SPAG16: variants seen among roughly 807,000 people sequenced by gnomAD.
SPAG16 encodes the protein sperm associated antigen 16.
SPAG16 carries 86 observed loss-of-function variants against 80.4 expected under a neutral mutation model. The ratio of observed to expected loss-of-function variants is 1.07; its 90% confidence interval spans 0.90 to 1.28. The LOEUF (loss-of-function observed/expected upper bound fraction) is 1.28. Ranked by LOEUF, SPAG16 falls within the 50% of genes most tolerant of loss-of-function variation. SPAG16 has a pLI of 0.00. For synonymous variants in SPAG16, 294 were observed against 265.9 expected, an observed-to-expected ratio of 1.11 and a Z score of -1.03; for missense variants, 870 against 765.3, an observed-to-expected ratio of 1.14 and a Z score of -1.61.
At chr2:214,137,741 T>G (rs2055137645) in intron 14 of SPAG16, among the ~76,000 whole-genome samples, 1 of 152,116 alleles carries the variant, frequency 6.6e-6, no homozygotes, top group Non-Finnish European at 1.5e-5. Context: ...AAGCATTATT[T>G]TCCTCATTTG....
chr2:213,772,385 T>C (rs1449358824), intron 10 of SPAG16, among the ~76,000 whole-genome samples: 1 of 152,158 alleles, frequency 6.6e-6, no homozygotes, highest in Non-Finnish European at 1.5e-5. Flanking sequence ...GAAGCAGATA[T>C]TTTTTACTTT....
chr2:214,200,784 T>G (rs186366027), intron 15 of SPAG16, among the ~76,000 whole-genome samples: 3 of 152,238 alleles, frequency 2.0e-5, no homozygotes, highest in Non-Finnish European at 4.4e-5. Flanking sequence ...TTTTAATGTT[T>G]GTGAAACAAA....
intron 15 of SPAG16, among the ~76,000 whole-genome samples, chr2:214,297,985 C>T (rs1694255968): frequency 6.6e-6 from 1 of 150,548 alleles, no homozygotes; most frequent in South Asian, 2.1e-4. Flanking sequence ...GAATGTTTTT[C>T]TATTTGTTTG....
intron 10 of SPAG16, among the ~76,000 whole-genome samples, chr2:213,622,663 C>T (rs969102622): frequency 6.6e-6 from 1 of 152,148 alleles, no homozygotes; most frequent in Non-Finnish European, 1.5e-5. Flanking sequence ...TCTCAGAGAA[C>T]ATCATTGGTC....
chr2:213,531,652 G>C (rs2076072083), intron 10 of SPAG16, among the ~76,000 whole-genome samples: 1 of 152,034 alleles, frequency 6.6e-6, no homozygotes, highest in South Asian at 2.1e-4. Flanking sequence ...TTCTTATGCA[G>C]ATCATTTCCA....
At chr2:213,450,835 T>A (rs1433457079) in intron 9 of SPAG16, among the ~76,000 whole-genome samples, 1 of 152,212 alleles carries the variant, frequency 6.6e-6, no homozygotes, top group Non-Finnish European at 1.5e-5. Flanking sequence ...ACATATAATT[T>A]TTTTCTATAT....
intron 11 of SPAG16, among the ~76,000 whole-genome samples, chr2:213,925,079 A>G (rs771716805): frequency 6.6e-6 from 1 of 152,118 alleles, no homozygotes; most frequent in Non-Finnish European, 1.5e-5. Flanking sequence ...TAAATTGATC[A>G]AGGTTTTACT....
intron 15 of SPAG16, among the ~76,000 whole-genome samples, chr2:214,387,677 G>C (rs1353297689): frequency 2.6e-5 from 4 of 152,208 alleles, no homozygotes; most frequent in Admixed American, 1.3e-4. Flanking sequence ...GGCTGGGGAG[G>C]CCTCAGGAAA....
At chr2:213,857,201 G>A (rs2075212075) in intron 10 of SPAG16, among the ~76,000 whole-genome samples, 1 of 152,200 alleles carries the variant, frequency 6.6e-6, no homozygotes, top group African/African-American at 2.4e-5. Flanking sequence ...CTGAACTCCA[G>A]CCTGGGTGAC....
At chr2:213,461,892 G>A (rs1302542248) in intron 9 of SPAG16, among the ~76,000 whole-genome samples, 1 of 152,098 alleles carries the variant, frequency 6.6e-6, no homozygotes, top group African/African-American at 2.4e-5. Context: ...ATGGATGTAT[G>A]TGTATGTGTA....
At chr2:213,643,378 A>T (rs1472096232) in intron 10 of SPAG16, among the ~76,000 whole-genome samples, 3 of 66,762 alleles carry the variant, frequency 4.5e-5, no homozygotes, top group Non-Finnish European at 8.9e-5. Flanking sequence ...ATATATATAT[A>T]TATATATATA....
At chr2:213,980,696 ATG>A (rs144847368) in intron 12 of SPAG16, among the ~76,000 whole-genome samples, 1,335 of 101,674 alleles carry the variant, frequency 0.013, 66 homozygotes, top group Non-Finnish European at 0.016. Flanking sequence ...TATAGAATAT[ATG>A]TGTGTGTGTG....
chr2:214,277,144 A>G (rs1373219711), intron 15 of SPAG16, among the ~76,000 whole-genome samples: 1 of 152,126 alleles, frequency 6.6e-6, no homozygotes, highest in Non-Finnish European at 1.5e-5. Flanking sequence ...CCATCAGGTC[A>G]TTTAATGTCT....
chr2:214,291,712 C>T (rs959206206), intron 15 of SPAG16, among the ~76,000 whole-genome samples: 11 of 152,140 alleles, frequency 7.2e-5, no homozygotes, highest in African/African-American at 1.9e-4. Context: ...CTTCCTACCA[C>T]ATTGTTGTTT....
At chr2:213,339,495 A>G (rs1003335893) in intron 5 of SPAG16, among the ~76,000 whole-genome samples, 2 of 152,220 alleles carry the variant, frequency 1.3e-5, no homozygotes, top group African/African-American at 4.8e-5. Context: ...ATGTTCACAT[A>G]GAACCTGGGA....
intron 10 of SPAG16, among the ~76,000 whole-genome samples, chr2:213,768,235 A>G (rs537789279): frequency 6.6e-6 from 1 of 152,214 alleles, no homozygotes; most frequent in East Asian, 1.9e-4. Flanking sequence ...CAGGAGCTAG[A>G]AAAAAGAGAT....
chr2:214,272,559 G>C (rs1411625790), intron 15 of SPAG16, among the ~76,000 whole-genome samples: 2 of 152,104 alleles, frequency 1.3e-5, no homozygotes, highest in Admixed American at 6.5e-5. Context: ...TTCTGTGCTT[G>C]TGTTAGTTTG....
chr2:213,928,438 A>G (rs1350412398), intron 11 of SPAG16, among the ~76,000 whole-genome samples: 3 of 151,906 alleles, frequency 2.0e-5, no homozygotes, highest in African/African-American at 7.3e-5. Flanking sequence ...CTCATTATAT[A>G]ATCCACCTTC....
intron 14 of SPAG16, among the ~76,000 whole-genome samples, chr2:214,125,066 A>G (rs1350317727): frequency 6.6e-6 from 1 of 151,590 alleles, no homozygotes; most frequent in Non-Finnish European, 1.5e-5. Flanking sequence ...AGATTTAGCA[A>G]ATATTCCCTG....
Sources: gnomAD v4.1 joint callset for allele counts (sites outside exome capture counted in the v4.1 genomes callset) on GRCh38, gnomAD v4.1.1 for gene constraint, MANE v1.5 for transcripts, NCBI Gene and HGNC (gene_info 2026-07-23, HGNC 2026-07-21) for gene names.